FRAS1: variants seen among roughly 807,000 people sequenced by gnomAD.
The protein encoded by FRAS1 is extracellular matrix organizing protein FRAS1.
A neutral mutation model predicts 435.2 loss-of-function variants in FRAS1; 290 were observed. The observed-to-expected ratio is 0.67, with a 90% CI of 0.61 to 0.73. The LOEUF (loss-of-function observed/expected upper bound fraction) is 0.73, where lower values mean the gene tolerates loss of function less well. Among genes scored for constraint, FRAS1 ranks in the 30% least tolerant of loss-of-function variants. FRAS1 has a pLI of 0.00. For synonymous variants in FRAS1, 1,800 were observed against 1,851.0 expected (o/e 0.97, Z 0.71); for missense variants, 4,860 against 5,001.5 (o/e 0.97, Z 0.85).
At chr4:78,193,934 G>A (rs1037205746) in intron 2 of FRAS1, among the ~76,000 whole-genome samples, 98 of 152,292 alleles carry the variant, frequency 6.4e-4, no homozygotes, top group African/African-American at 1.6e-3. Flanking sequence ...CATGTTTAGC[G>A]CTTCCTTCAG....
chr4:78,532,996 CCAGGAATA>C (rs1265802900), intron 70 of FRAS1, among the ~76,000 whole-genome samples: 2 of 152,222 alleles, frequency 1.3e-5, no homozygotes, highest in East Asian at 3.9e-4. Context: ...TGGGTATATA[CCAGGAATA>C]GGGATTGCTG....
rs1388985627 is a variant in FRAS1, at chr4:78,452,371, T to C, written c.6763+17T>C. ...CATCACCAGGTAAGTCTATCATCTC[T>C]TGATTTACTGAATCAAAACTTAGAC... On this transcript the variant is annotated intron_variant, in intron 47 of 73. Coordinates refer to ENST00000512123, the MANE Select transcript of FRAS1 (RefSeq NM_025074.7). 4 of 1,575,502 alleles carry C rather than the reference T, an allele frequency of 2.5e-6. No homozygotes were observed. Among genetic ancestry groups the C allele is most frequent in the Non-Finnish European group, 2.6e-6 (3 of 1,164,264 alleles).
intron 71 of FRAS1, among the ~76,000 whole-genome samples, chr4:78,535,092 T>C (rs78806039): frequency 0.037 from 5,644 of 152,270 alleles, 334 homozygotes; most frequent in African/African-American, 0.13. Context: ...ACCAAATTGA[T>C]GTATTCTGGC....
chr4:78,220,939 G>A (rs969757563), intron 2 of FRAS1, among the ~76,000 whole-genome samples: 3 of 152,126 alleles, frequency 2.0e-5, no homozygotes, highest in Non-Finnish European at 2.9e-5. Flanking sequence ...AGGCTGAGGC[G>A]GGCAGATGGC....
intron 2 of FRAS1, among the ~76,000 whole-genome samples, chr4:78,067,730 G>A (rs370239992): frequency 4.5e-5 from 6 of 132,668 alleles, no homozygotes; most frequent in East Asian, 4.3e-4. Flanking sequence ...ATAGGGTCTC[G>A]CTCTGTCACC....
chr4:78,220,226 A>G lies in FRAS1; in HGVS notation c.109-17284A>G, dbSNP rs558250980. On this transcript the variant is annotated intron_variant, in intron 2 of 73. Coordinates refer to ENST00000512123, the MANE Select transcript of FRAS1 (RefSeq NM_025074.7). ...TTCTGATGCAGTAGATTAGACGTTCATGGACTATAGCTTGTGGGCCAAATT... is the reference window on the plus strand; with the variant it reads ...TTCTGATGCAGTAGATTAGACGTTCGTGGACTATAGCTTGTGGGCCAAATT... Among the ~76,000 whole-genome samples, 5 of 152,336 alleles carry G rather than the reference A, an allele frequency of 3.3e-5. No individual in the cohort carries two copies. In the East Asian group the frequency reaches 7.7e-4, roughly 23 times the overall value.
intron 9 of FRAS1, among the ~76,000 whole-genome samples, chr4:78,276,137 A>G (rs564731779): frequency 4.2e-4 from 64 of 152,334 alleles, no homozygotes; most frequent in African/African-American, 1.2e-3. Context: ...TTCATCACGT[A>G]GTTCTCATGC....
intron 12 of FRAS1, 148 bp downstream of exon 12, chr4:78,283,115 G>T (rs1727413444): frequency 3.3e-6 from 2 of 603,058 alleles, no homozygotes; most frequent in South Asian, 4.4e-5. Flanking sequence ...TCTAACAAAT[G>T]ATGCTAATTA....
At chr4:78,519,671 G>A (rs1721328374) in intron 67 of FRAS1, among the ~76,000 whole-genome samples, 190 bp downstream of exon 67, 1 of 152,184 alleles carries the variant, frequency 6.6e-6, no homozygotes, top group Non-Finnish European at 1.5e-5. Context: ...GATGCTGGAA[G>A]GTCTCAGCCC....
intron 2 of FRAS1, among the ~76,000 whole-genome samples, chr4:78,125,247 C>T (rs546162282): frequency 5.3e-5 from 8 of 152,290 alleles, no homozygotes; most frequent in Middle Eastern, 3.4e-3. Context: ...TGGTTATTTA[C>T]CCAGTAGTCA....
chr4:78,382,694 G>A (rs1732067278), intron 27 of FRAS1, among the ~76,000 whole-genome samples: 1 of 152,172 alleles, frequency 6.6e-6, no homozygotes, highest in Non-Finnish European at 1.5e-5. Flanking sequence ...CCTCCATTTT[G>A]AAGTGTGTTG....
intron 46 of FRAS1, 22 bp from the exon 47 acceptor site, chr4:78,452,153 T>C: frequency 6.2e-7 from 1 of 1,609,902 alleles, no homozygotes. Context: ...CCATTTCAAA[T>C]CACTATTTCT....
chr4:78,523,280 A>G (rs1241688693), intron 69 of FRAS1, among the ~76,000 whole-genome samples: 2 of 152,180 alleles, frequency 1.3e-5, no homozygotes, highest in Non-Finnish European at 1.5e-5. Flanking sequence ...ACACCTGCCT[A>G]CAAGGGAAGC....
intron 29 of FRAS1, among the ~76,000 whole-genome samples, chr4:78,396,841 T>C (rs934076404): frequency 6.6e-6 from 1 of 152,220 alleles, no homozygotes; most frequent in African/African-American, 2.4e-5. Context: ...ATCATTGTAT[T>C]CTTCAGCTCT....
At chr4:78,190,716 G>C (rs1039941437) in intron 2 of FRAS1, among the ~76,000 whole-genome samples, 1 of 149,742 alleles carries the variant, frequency 6.7e-6, no homozygotes, top group Non-Finnish European at 1.5e-5. Context: ...CATGTTATTT[G>C]AATGGTTACA....
At chr4:78,538,554 A>G (rs754899391) in intron 72 of FRAS1, among the ~76,000 whole-genome samples, 1 of 152,198 alleles carries the variant, frequency 6.6e-6, no homozygotes, top group African/African-American at 2.4e-5. Flanking sequence ...ACAGTTCAGC[A>G]TGGCTGGGGA....
intron 2 of FRAS1, among the ~76,000 whole-genome samples, chr4:78,212,407 T>G (rs1051856143): frequency 3.3e-5 from 5 of 152,082 alleles, no homozygotes; most frequent in Non-Finnish European, 5.9e-5. Context: ...CAAAGGAGCT[T>G]AAGAAAGGGA....
At chr4:78,288,068 T>C (rs1727695892) in intron 14 of FRAS1, among the ~76,000 whole-genome samples, 1 of 152,290 alleles carries the variant, frequency 6.6e-6, no homozygotes, top group South Asian at 2.1e-4. Context: ...TGGTGGTCCT[T>C]CAAAGACCAG....
intron 57 of FRAS1, 23 bp from the exon 58 acceptor site, chr4:78,482,365 G>A (rs2109859897): frequency 6.2e-7 from 1 of 1,613,674 alleles, no homozygotes; most frequent in East Asian, 2.2e-5. Context: ...CCTCTGTCAA[G>A]TTTGCTTTGG....
Sources: gnomAD v4.1 joint callset for allele counts (sites outside exome capture counted in the v4.1 genomes callset) on GRCh38, gnomAD v4.1.1 for gene constraint, MANE v1.5 for transcripts, NCBI Gene and HGNC (gene_info 2026-07-23, HGNC 2026-07-21) for gene names.